The following CADM2 variants were observed in gnomAD, a reference collection of about 807,000 sequenced individuals.
The protein encoded by CADM2 is cell adhesion molecule 2.
Under a neutral mutation model 49.8 loss-of-function variants are expected in CADM2, and 12 were observed. The observed-to-expected ratio is 0.24, with a 90% CI of 0.15 to 0.39. CADM2 has a LOEUF of 0.39. CADM2 is among the 10% of genes least tolerant of loss of function. The pLI, the probability that CADM2 is intolerant of heterozygous loss-of-function variation, is 1.00. For missense variants in CADM2, 378 were observed against 492.3 expected (o/e 0.77, Z 2.20); for synonymous variants, 214 against 175.4 (o/e 1.22, Z -1.74).
At chr3:85,878,886 G>A (rs1311511535) in intron 3 of CADM2, among the ~76,000 whole-genome samples, 1 of 151,964 alleles carries the variant, frequency 6.6e-6, no homozygotes, top group African/African-American at 2.4e-5. Flanking sequence ...TGTGTTAGGG[G>A]AAATGAAATT....
At chr3:85,212,643 C>T (rs2041805807) in intron 1 of CADM2, among the ~76,000 whole-genome samples, 1 of 151,738 alleles carries the variant, frequency 6.6e-6, no homozygotes, top group Non-Finnish European at 1.5e-5. Context: ...TGTTATTTTA[C>T]TATGTCTTGA....
rs568310886 is a variant in CADM2 at position 85,229,113 on chromosome 3, A to G, written c.61+269445A>G. 1.9e-3 allele frequency among the ~76,000 whole-genome samples: 289 copies of G among 152,300 alleles called. 2 individuals are homozygous for G. The highest frequency in any genetic ancestry group is 6.7e-3 in the African/African-American group (277 of 41,568). ...TGGCAGCTTTATTTACACTGTGAGC[A>G]TAAAACTGCCTATTCAGGCCTCAGC... is the stretch of plus-strand genomic sequence containing the variant. On this transcript the variant is annotated intron_variant, in intron 1 of 9. Transcript: ENST00000383699.
intron 8 of CADM2, among the ~76,000 whole-genome samples, chr3:85,969,712 G>A (rs1399844914): frequency 2.0e-5 from 3 of 150,564 alleles, no homozygotes; most frequent in Non-Finnish European, 4.4e-5. Context: ...TGACCTCCTA[G>A]GAAACAGATA....
chr3:85,077,342 T>A (rs1158526822), intron 1 of CADM2, among the ~76,000 whole-genome samples: 2 of 152,088 alleles, frequency 1.3e-5, no homozygotes, highest in African/African-American at 4.8e-5. Context: ...TATGAGGCAA[T>A]GCTTTTATTT....
At chr3:85,826,789 A>G (rs2073934899) in intron 3 of CADM2, among the ~76,000 whole-genome samples, 1 of 151,986 alleles carries the variant, frequency 6.6e-6, no homozygotes, top group African/African-American at 2.4e-5. Flanking sequence ...CCACCTCAAA[A>G]TGTATATTAA....
intron 1 of CADM2, among the ~76,000 whole-genome samples, chr3:85,438,887 T>G (rs1320230805): frequency 6.6e-6 from 1 of 152,050 alleles, no homozygotes; most frequent in African/African-American, 2.4e-5. Flanking sequence ...AGGCTCTCAC[T>G]ATGTTACCTA....
chr3:85,294,307 C>T (rs570529079), intron 1 of CADM2, among the ~76,000 whole-genome samples: 39 of 152,086 alleles, frequency 2.6e-4, no homozygotes, highest in African/African-American at 8.7e-4. Context: ...AACAAATGGA[C>T]GAACATTCTA....
At chr3:85,757,411 A>G (rs897570250) in intron 2 of CADM2, among the ~76,000 whole-genome samples, 4 of 152,120 alleles carry the variant, frequency 2.6e-5, no homozygotes, top group African/African-American at 9.6e-5. Flanking sequence ...GAGGAGTCCC[A>G]ATACTTTAAT....
chr3:85,493,382 A>G (rs2107650912), intron 1 of CADM2, among the ~76,000 whole-genome samples: 1 of 152,264 alleles, frequency 6.6e-6, no homozygotes, highest in East Asian at 1.9e-4. Flanking sequence ...TCCCGCTAAG[A>G]TAATATGAAT....
chr3:85,528,566 T>G (rs541498599), intron 1 of CADM2, among the ~76,000 whole-genome samples: 3 of 152,206 alleles, frequency 2.0e-5, no homozygotes, highest in Non-Finnish European at 4.4e-5. Context: ...AGCATAACCC[T>G]CTTCTAACCA....
chr3:85,066,027 G>A lies in CADM2; in HGVS notation c.61+106359G>A, dbSNP rs372878204. Among the ~76,000 whole-genome samples, 10 of 152,268 alleles carry A rather than the reference G, an allele frequency of 6.6e-5. No homozygotes were observed. In the East Asian group the frequency reaches 1.5e-3, roughly 24 times the overall value. ...CACTGGAGCGTGGATATGTGGATGA[G>A]AGTGGGGATGGTGCTAGACAGTAAA... On this transcript the variant is annotated intron_variant, in intron 1 of 9. Transcript: ENST00000383699.
At chr3:85,689,828 A>T (rs570406896) in intron 1 of CADM2, among the ~76,000 whole-genome samples, 11 of 152,336 alleles carry the variant, frequency 7.2e-5, no homozygotes, top group African/African-American at 2.6e-4. Context: ...AGATAAATAA[A>T]ATACAGTTTT....
intron 1 of CADM2, among the ~76,000 whole-genome samples, chr3:85,230,815 A>C (rs935083295): frequency 1.1e-4 from 16 of 152,126 alleles, no homozygotes; most frequent in African/African-American, 3.9e-4. Context: ...GCAATAGCCT[A>C]GTGTCCTTTT....
At chr3:85,999,123 G>A (rs890450401) in intron 8 of CADM2, among the ~76,000 whole-genome samples, 6 of 152,130 alleles carry the variant, frequency 3.9e-5, no homozygotes, top group African/African-American at 1.4e-4. Flanking sequence ...ATTGAGTCTA[G>A]GGAGGGAAAT....
At chr3:85,336,038 C>G (rs1305046736) in intron 1 of CADM2, among the ~76,000 whole-genome samples, 2 of 151,370 alleles carry the variant, frequency 1.3e-5, no homozygotes, top group African/African-American at 2.4e-5. Context: ...CTGTGAACCC[C>G]CTGCCCAAAA....
At chr3:85,135,854 T>C (rs1216384117) in intron 1 of CADM2, among the ~76,000 whole-genome samples, 1 of 152,050 alleles carries the variant, frequency 6.6e-6, no homozygotes, top group Non-Finnish European at 1.5e-5. Flanking sequence ...AATTTAGCTC[T>C]CTGAGTTCAA....
intron 1 of CADM2, among the ~76,000 whole-genome samples, chr3:85,109,588 G>C (rs974211176): frequency 1.3e-5 from 2 of 151,884 alleles, no homozygotes; most frequent in African/African-American, 4.8e-5. Flanking sequence ...GGAAACAATA[G>C]CATCATTTAA....
In CADM2 at chr3:85,919,470, G is replaced by A. The variant is rs532544763; in HGVS notation, c.700+6927G>A. Reference sequence around the variant, plus strand: ...ACATGAAATTAATTAGGTTAATAACGAATGAAAATAAGAAATATATCATAT... The same window carrying A: ...ACATGAAATTAATTAGGTTAATAACAAATGAAAATAAGAAATATATCATAT... On this transcript the variant is annotated intron_variant, in intron 6 of 9. Coordinates refer to ENST00000383699, the MANE Select transcript of CADM2 (RefSeq NM_001167675.2). Among the ~76,000 whole-genome samples, 6 of 151,788 alleles carry A rather than the reference G, an allele frequency of 4.0e-5. No homozygotes were observed. The East Asian group carries it at 5.8e-4, about 15-fold the overall frequency.
intron 1 of CADM2, among the ~76,000 whole-genome samples, chr3:85,366,664 A>G (rs2032809521): frequency 6.6e-6 from 1 of 152,188 alleles, no homozygotes; most frequent in Non-Finnish European, 1.5e-5. Flanking sequence ...ACTTTCTAGT[A>G]GCATTTGTTT....
Sources: gnomAD v4.1 joint callset for allele counts (sites outside exome capture counted in the v4.1 genomes callset) on GRCh38, gnomAD v4.1.1 for gene constraint, MANE v1.5 for transcripts, NCBI Gene and HGNC (gene_info 2026-07-23, HGNC 2026-07-21) for gene names.